CABCOCO1: variants seen among roughly 807,000 people sequenced by gnomAD.
CABCOCO1 encodes ciliary associated calcium binding coiled-coil 1.
Under a neutral mutation model 35.7 loss-of-function variants are expected in CABCOCO1, and 28 were observed. That is an observed-to-expected ratio of 0.78 (90% CI 0.58 to 1.07). CABCOCO1 has a LOEUF of 1.07. Among genes scored for constraint, CABCOCO1 ranks in the 50% least tolerant of loss-of-function variants. The pLI is 0.00. For synonymous variants in CABCOCO1, 95 were observed against 100.1 expected, an observed-to-expected ratio of 0.95 and a Z score of 0.30; for missense variants, 326 against 309.2, an observed-to-expected ratio of 1.05 and a Z score of -0.41.
At chr10:61,700,914 C>A (rs930928012) in intron 5 of CABCOCO1, among the ~76,000 whole-genome samples, 1 of 151,120 alleles carries the variant, frequency 6.6e-6, no homozygotes, top group Non-Finnish European at 1.5e-5. Flanking sequence ...TTTACACCCA[C>A]ATCTGTGTAT....
chr10:61,710,971 C>CA (rs2132029217), intron 5 of CABCOCO1, among the ~76,000 whole-genome samples: 1 of 151,666 alleles, frequency 6.6e-6, no homozygotes, highest in African/African-American at 2.4e-5. Flanking sequence ...CAAAAACAAA[C>CA]AAAAACTTAT....
At chr10:61,758,261 T>A (rs1469447888) in intron 5 of CABCOCO1, among the ~76,000 whole-genome samples, 1 of 152,096 alleles carries the variant, frequency 6.6e-6, no homozygotes, top group Non-Finnish European at 1.5e-5. Flanking sequence ...ATGTGCAGCT[T>A]ATTTATTTTA....
chr10:61,765,690 G>A (rs1341920995), intron 7 of CABCOCO1, among the ~76,000 whole-genome samples: 1 of 152,200 alleles, frequency 6.6e-6, no homozygotes, highest in African/African-American at 2.4e-5. Flanking sequence ...ACAAGGCTTT[G>A]TGAAAAATGG....
chr10:61,737,852 G>A (rs977099191), intron 5 of CABCOCO1, among the ~76,000 whole-genome samples: 1 of 151,854 alleles, frequency 6.6e-6, no homozygotes, highest in Non-Finnish European at 1.5e-5. Context: ...ATAACTATTG[G>A]GTACTGAGTT....
At chr10:61,754,156 G>A (rs781203331) in intron 5 of CABCOCO1, among the ~76,000 whole-genome samples, 2 of 152,004 alleles carry the variant, frequency 1.3e-5, no homozygotes, top group Non-Finnish European at 2.9e-5. Flanking sequence ...GAAACAATTC[G>A]ATGAAGTAGC....
intron 4 of CABCOCO1, among the ~76,000 whole-genome samples, chr10:61,688,188 A>C (rs182644302): frequency 6.6e-6 from 1 of 152,214 alleles, no homozygotes; most frequent in Non-Finnish European, 1.5e-5. Flanking sequence ...TGACAATGAA[A>C]TCACATAATA....
At chr10:61,678,872 T>A (rs1328593927) in intron 2 of CABCOCO1, among the ~76,000 whole-genome samples, 1 of 152,118 alleles carries the variant, frequency 6.6e-6, no homozygotes, top group African/African-American at 2.4e-5. Context: ...ATGATTAGCT[T>A]AGAATAATCA....
At chr10:61,717,744 G>A (rs553075460) in intron 5 of CABCOCO1, among the ~76,000 whole-genome samples, 48 of 152,232 alleles carry the variant, frequency 3.2e-4, no homozygotes, top group African/African-American at 6.0e-4. Flanking sequence ...GAATCACTTC[G>A]GAATATAACA....
At chr10:61,667,055 T>G (rs12247958) in intron 1 of CABCOCO1, among the ~76,000 whole-genome samples, 293 of 138,194 alleles carry the variant, frequency 2.1e-3, no homozygotes, top group African/African-American at 7.0e-3. Flanking sequence ...ATTTCATATA[T>G]TATATATAAA....
chr10:61,740,133 T>C (rs1841517441), intron 5 of CABCOCO1, among the ~76,000 whole-genome samples: 1 of 152,224 alleles, frequency 6.6e-6, no homozygotes, highest in African/African-American at 2.4e-5. Context: ...AGTTTAGTTT[T>C]AAATACATTA....
chr10:61,744,297 A>G (rs1054285063), intron 5 of CABCOCO1, among the ~76,000 whole-genome samples: 1 of 152,148 alleles, frequency 6.6e-6, no homozygotes, highest in Admixed American at 6.6e-5. Context: ...AAAGTATAAC[A>G]TTATTACAGG....
intron 5 of CABCOCO1, among the ~76,000 whole-genome samples, chr10:61,721,067 C>G (rs373869954): frequency 2.7e-4 from 41 of 151,264 alleles, no homozygotes; most frequent in Non-Finnish European, 5.0e-4. Context: ...TGGGACTACA[C>G]GCGCCCGCCA....
intron 5 of CABCOCO1, among the ~76,000 whole-genome samples, chr10:61,696,790 G>A (rs1478414407): frequency 6.6e-6 from 1 of 152,010 alleles, no homozygotes; most frequent in African/African-American, 2.4e-5. Context: ...ACAGGTGTGA[G>A]CCACTGATTC....
rs1463969846 is a variant in CABCOCO1, at chr10:61,681,401, A to G, written c.334+89A>G. 2.0e-5 allele frequency: 19 copies of G among 965,022 alleles called. No homozygotes were observed. The Admixed American group carries it at 5.7e-4, about 29-fold the overall frequency. The allele number at this position is 965,022 out of a possible 1,614,324, so 59.8% of individuals were successfully genotyped here. On this transcript the variant is annotated intron_variant, in intron 3 of 7. Coordinates refer to ENST00000648843, the MANE Select transcript of CABCOCO1 (RefSeq NM_001366906.2). ...AAGCAAAAGTTACAGATTTTATTGT[A>G]ATTCCTTTAATGAAAAATACGGGTT...
intron 5 of CABCOCO1, among the ~76,000 whole-genome samples, chr10:61,724,776 C>T (rs1841103245): frequency 6.6e-6 from 1 of 152,092 alleles, no homozygotes; most frequent in African/African-American, 2.4e-5. Flanking sequence ...GGGTTAATAT[C>T]TTCAGCATCT....
intron 5 of CABCOCO1, among the ~76,000 whole-genome samples, chr10:61,750,296 CA>C (rs1468920139): frequency 6.6e-6 from 1 of 152,122 alleles, no homozygotes; most frequent in Non-Finnish European, 1.5e-5. Context: ...ACTACTGGGC[CA>C]GGGGTGCAGT....
rs190401451 is a variant in CABCOCO1 at position 61,729,140 on chromosome 10, T to G, written c.553-30919T>G. Among the ~76,000 whole-genome samples the G allele has an allele frequency of 1.1e-3, 163 of 152,270 alleles. 1 individual carries two copies. The highest frequency in any genetic ancestry group is 2.8e-3 in the Admixed American group (43 of 15,284). ...GTATAAGACATAATATAATATTTTT[T>G]CTAACTTTGACTTCTAAGAGGGCCA... On this transcript the variant is annotated intron_variant, in intron 5 of 7. Coordinates refer to ENST00000648843, the MANE Select transcript of CABCOCO1 (RefSeq NM_001366906.2).
Position 61,681,178 on chromosome 10 carries a change from A to G in CABCOCO1, c.200A>G (p.Glu67Gly). The change falls in exon 3 of 8, where the codon GAA (glutamate) becomes GGA (glycine). Residue 67 changes from glutamate (E) to glycine (G), a missense_variant. By Grantham distance (98) the Glu-to-Gly change is moderately conservative. Coordinates refer to ENST00000648843, the MANE Select transcript of CABCOCO1 (RefSeq NM_001366906.2). ...ATATTTTTGAATTTCAAAAACCTTGAAACTTGTTTAAAGGATGCCATTCTA... is the reference window on the plus strand; with the variant it reads ...ATATTTTTGAATTTCAAAAACCTTGGAACTTGTTTAAAGGATGCCATTCTA... ...LRIFLNFKNL[E>G]TCLKDAILLD... 6.7e-7 allele frequency: 1 copy of G among 1,492,978 alleles called. No homozygotes were observed. The highest frequency in any genetic ancestry group is 1.3e-5 in the South Asian group (1 of 76,432). The allele number at this position is 1,492,978 out of a possible 1,614,324, so 92.5% of individuals were successfully genotyped here.
At chr10:61,746,248 A>T (rs1841657553) in intron 5 of CABCOCO1, among the ~76,000 whole-genome samples, 3 of 152,162 alleles carry the variant, frequency 2.0e-5, no homozygotes, top group Admixed American at 1.3e-4. Flanking sequence ...GCTTTATAGG[A>T]CACAATTTAT....
Sources: gnomAD v4.1 joint callset for allele counts (sites outside exome capture counted in the v4.1 genomes callset) on GRCh38, gnomAD v4.1.1 for gene constraint, MANE v1.5 for transcripts, NCBI Gene and HGNC (gene_info 2026-07-23, HGNC 2026-07-21) for gene names.